Variants in NXPH1 observed in about 807,000 individuals in gnomAD.
NXPH1 encodes neurexophilin 1, also known as neurexophilin-1.
A neutral mutation model predicts 23.7 loss-of-function variants in NXPH1; 5 were observed. The ratio of observed to expected loss-of-function variants is 0.21; its 90% CI spans 0.11 to 0.44. The LOEUF is 0.44. NXPH1 is among the 20% of genes least tolerant of loss of function. The probability of loss-of-function intolerance (pLI) is 0.99; values close to 1 mark genes in which losing one functional copy is unlikely to be tolerated. For missense variants in NXPH1, 324 were observed against 321.6 expected, an observed-to-expected ratio of 1.01 and a Z score of -0.06; for synonymous variants, 144 against 122.2, an observed-to-expected ratio of 1.18 and a Z score of -1.18.
At chr7:8,477,536 G>A (rs1563321881) in intron 2 of NXPH1, among the ~76,000 whole-genome samples, 1 of 152,162 alleles carries the variant, frequency 6.6e-6, no homozygotes, top group African/African-American at 2.4e-5. Flanking sequence ...ATAGGATAGA[G>A]AGAGCTATGT....
intron 2 of NXPH1, among the ~76,000 whole-genome samples, chr7:8,554,972 G>C (rs1351263682): frequency 6.6e-6 from 1 of 151,650 alleles, no homozygotes; most frequent in Non-Finnish European, 1.5e-5. Flanking sequence ...AATCCCTTTT[G>C]GATCAAGACA....
In NXPH1 at chr7:8,442,263, C is replaced by G. The variant is rs1182531772; in HGVS notation, c.54+6496C>G. On this transcript the variant is annotated intron_variant, in intron 2 of 2. Transcript: ENST00000405863. The surrounding 1 kb of genome is among the most constrained non-coding windows in gnomAD (Gnocchi z 4.6). Reference sequence around the variant, plus strand: ...TGCATGAGAATGGAGAACCGGGAGGCTTTTCTTGTACTGTTTCTTTCTCCC... The same window carrying G: ...TGCATGAGAATGGAGAACCGGGAGGGTTTTCTTGTACTGTTTCTTTCTCCC... Among the ~76,000 whole-genome samples the G allele has an allele frequency of 1.3e-5, 2 of 152,350 alleles. No homozygotes were observed. Among genetic ancestry groups the G allele is most frequent in the Non-Finnish European group, 2.9e-5 (2 of 68,038 alleles).
chr7:8,696,978 C>A (rs1236321841), intron 2 of NXPH1, among the ~76,000 whole-genome samples: 1 of 131,086 alleles, frequency 7.6e-6, no homozygotes, highest in Non-Finnish European at 1.8e-5. Context: ...GTCAACATGG[C>A]AAAACCCTGT....
At chr7:8,542,369 G>A (rs770402293) in intron 2 of NXPH1, among the ~76,000 whole-genome samples, 2 of 151,476 alleles carry the variant, frequency 1.3e-5, no homozygotes, top group Non-Finnish European at 3.0e-5. Flanking sequence ...AGCAGTGAGA[G>A]AGTTAAGAGA....
At chr7:8,694,869 A>G (rs192994491) in intron 2 of NXPH1, among the ~76,000 whole-genome samples, 1 of 152,346 alleles carries the variant, frequency 6.6e-6, no homozygotes, top group Admixed American at 6.5e-5. Flanking sequence ...GTAAAAAATA[A>G]CTGTTAAATT....
At chr7:8,528,005 G>A (rs868353125) in intron 2 of NXPH1, among the ~76,000 whole-genome samples, 31 of 152,312 alleles carry the variant, frequency 2.0e-4, no homozygotes, top group Admixed American at 6.5e-4. Flanking sequence ...TATTTTCTTC[G>A]TGTTAGTTTT....
chr7:8,658,634 A>T (rs905239162), intron 2 of NXPH1, among the ~76,000 whole-genome samples: 2 of 152,230 alleles, frequency 1.3e-5, no homozygotes, highest in African/African-American at 4.8e-5. Flanking sequence ...AGATGAAAAC[A>T]GTCATTTATA....
intron 2 of NXPH1, among the ~76,000 whole-genome samples, chr7:8,695,783 T>C (rs1821299862): frequency 6.6e-6 from 1 of 152,226 alleles, no homozygotes. Context: ...ATTCAGATTG[T>C]TGAATTTTAA....
intron 2 of NXPH1, among the ~76,000 whole-genome samples, chr7:8,514,031 T>C (rs1403972657): frequency 6.6e-6 from 1 of 152,076 alleles, no homozygotes; most frequent in African/African-American, 2.4e-5. Context: ...TCTGTGCATC[T>C]CTCTGTGTCC....
At chr7:8,731,650 C>CTCGGGGG (rs1440183244) in intron 2 of NXPH1, among the ~76,000 whole-genome samples, 1 of 152,186 alleles carries the variant, frequency 6.6e-6, no homozygotes, top group African/African-American at 2.4e-5. Flanking sequence ...AGATAGGCTG[C>CTCGGGGG]TCGGGGGTCA....
chr7:8,554,227 T>C (rs1818320445), intron 2 of NXPH1, among the ~76,000 whole-genome samples: 5 of 151,634 alleles, frequency 3.3e-5, no homozygotes, highest in Admixed American at 2.0e-4. Context: ...GGTGTTAACC[T>C]TCAGGCATTT....
chr7:8,678,683 T>C (rs2115174660), intron 2 of NXPH1, among the ~76,000 whole-genome samples: 1 of 152,152 alleles, frequency 6.6e-6, no homozygotes, highest in South Asian at 2.1e-4. Flanking sequence ...TGTTAAGGAA[T>C]GGGTCACTTC....
At chr7:8,703,069 T>G (rs1395989261) in intron 2 of NXPH1, among the ~76,000 whole-genome samples, 1 of 152,100 alleles carries the variant, frequency 6.6e-6, no homozygotes, top group Non-Finnish European at 1.5e-5. Context: ...TACCTCTCCC[T>G]TTTTGCTGCT....
At chr7:8,543,408 C>T (rs1449975891) in intron 2 of NXPH1, among the ~76,000 whole-genome samples, 1 of 151,568 alleles carries the variant, frequency 6.6e-6, no homozygotes, top group Non-Finnish European at 1.5e-5. Flanking sequence ...ACGACTAAAG[C>T]AATATCACAC....
intron 2 of NXPH1, among the ~76,000 whole-genome samples, chr7:8,639,813 T>G (rs1304767041): frequency 6.6e-6 from 1 of 152,180 alleles, no homozygotes; most frequent in East Asian, 1.9e-4. Context: ...TTCCTCATTT[T>G]TCTTTTGCCC....
intron 2 of NXPH1, among the ~76,000 whole-genome samples, chr7:8,683,837 A>C (rs772750313): frequency 1.3e-5 from 2 of 152,142 alleles, no homozygotes; most frequent in Non-Finnish European, 2.9e-5. Flanking sequence ...CAAGGAATTT[A>C]GAGATTAATA....
chr7:8,440,378 G>A (rs1206772189), intron 2 of NXPH1, among the ~76,000 whole-genome samples: 1 of 152,180 alleles, frequency 6.6e-6, no homozygotes, highest in Non-Finnish European at 1.5e-5. Flanking sequence ...TTTAGTATTC[G>A]GAGAGAACCA....
chr7:8,713,450 G>T (rs986715096), intron 2 of NXPH1, among the ~76,000 whole-genome samples: 2 of 151,144 alleles, frequency 1.3e-5, no homozygotes, highest in African/African-American at 4.9e-5. Context: ...TTGCTCCCTG[G>T]TGCCTTAGTT....
intron 2 of NXPH1, among the ~76,000 whole-genome samples, chr7:8,484,654 C>G (rs919654611): frequency 6.6e-6 from 1 of 152,042 alleles, no homozygotes; most frequent in Non-Finnish European, 1.5e-5. Flanking sequence ...TAAAATCGAG[C>G]TTTTAAAAAA....
Sources: gnomAD v4.1 joint callset for allele counts (sites outside exome capture counted in the v4.1 genomes callset) on GRCh38, gnomAD v4.1.1 for gene constraint, Gnocchi (gnomAD v3.1) non-coding constraint, MANE v1.5 for transcripts, NCBI Gene and HGNC (gene_info 2026-07-23, HGNC 2026-07-21) for gene names.